DPP6: variants seen among roughly 807,000 people sequenced by gnomAD.
DPP6 encodes A-type potassium channel modulatory protein DPP6.
A neutral mutation model predicts 122.6 loss-of-function variants in DPP6; 69 were observed. The observed-to-expected ratio is 0.56, with a 90% CI of 0.46 to 0.69. The LOEUF is 0.69. Ranked by LOEUF, DPP6 falls within the 30% of genes least tolerant of loss-of-function variation. The pLI, the probability that DPP6 is intolerant of heterozygous loss-of-function variation, is 0.00. For missense variants in DPP6, 928 were observed against 1,116.9 expected, an observed-to-expected ratio of 0.83 and a Z score of 2.41; for synonymous variants, 418 against 433.1, an observed-to-expected ratio of 0.97 and a Z score of 0.43.
At chr7:154,734,754 A>G (rs1405539860) in intron 8 of DPP6, among the ~76,000 whole-genome samples, 1 of 152,230 alleles carries the variant, frequency 6.6e-6, no homozygotes. Context: ...GTGTTTAAAC[A>G]AAAGCTTCAC....
chr7:154,023,355 C>CACACAT (rs1798807614), intron 1 of DPP6, among the ~76,000 whole-genome samples: 1 of 151,728 alleles, frequency 6.6e-6, no homozygotes, highest in Admixed American at 6.6e-5. Context: ...CACACACACA[C>CACACAT]ACACACTTCT....
intron 5 of DPP6, among the ~76,000 whole-genome samples, chr7:154,628,381 C>T (rs145533892): frequency 2.6e-5 from 4 of 152,290 alleles, no homozygotes; most frequent in Admixed American, 6.5e-5. Context: ...TCCCCCGGGT[C>T]GTCTCTTGTC....
intron 1 of DPP6, among the ~76,000 whole-genome samples, chr7:154,081,086 A>G (rs578251326): frequency 6.6e-6 from 1 of 152,180 alleles, no homozygotes; most frequent in East Asian, 1.9e-4. Context: ...TAAAAAATAG[A>G]AAGACAAGGG....
intron 18 of DPP6, among the ~76,000 whole-genome samples, chr7:154,872,310 T>C (rs996402248): frequency 2.0e-5 from 3 of 152,272 alleles, no homozygotes; most frequent in African/African-American, 7.2e-5. Flanking sequence ...CAGGGCACCA[T>C]ATTTCCCTGC....
At chr7:154,647,918 T>C (rs938089350) in intron 6 of DPP6, among the ~76,000 whole-genome samples, 3 of 151,802 alleles carry the variant, frequency 2.0e-5, no homozygotes, top group Non-Finnish European at 4.4e-5. Context: ...CAAGCCTGGT[T>C]CATGTGTGTG....
At chr7:153,835,896 A>T in the DPP6 span, among the ~76,000 whole-genome samples, 3 of 152,156 alleles carry the variant, frequency 2.0e-5, no homozygotes, top group Non-Finnish European at 4.4e-5. Context: ...GGGTGGAATT[A>T]TTACGGCAGC....
At chr7:154,746,631 G>A (rs534466253) in intron 8 of DPP6, among the ~76,000 whole-genome samples, 48 of 152,202 alleles carry the variant, frequency 3.2e-4, no homozygotes, top group Non-Finnish European at 5.9e-4. Flanking sequence ...CACCCAAAAA[G>A]CATTAGGAGA....
At chr7:153,899,366 T>C (rs1485135633) in intron 1 of DPP6, among the ~76,000 whole-genome samples, 7 of 152,114 alleles carry the variant, frequency 4.6e-5, no homozygotes, top group Admixed American at 1.3e-4. Flanking sequence ...CATCCAGCCA[T>C]AATCTCAGGC....
chr7:153,813,183 C>G, the DPP6 span, among the ~76,000 whole-genome samples: 3 of 150,536 alleles, frequency 2.0e-5, no homozygotes, highest in Non-Finnish European at 4.4e-5. Flanking sequence ...CCCATCCCCC[C>G]ACCCTGCAAC....
At chr7:154,697,181 T>C (rs148629751) in intron 7 of DPP6, among the ~76,000 whole-genome samples, 1 of 152,338 alleles carries the variant, frequency 6.6e-6, no homozygotes, top group African/African-American at 2.4e-5. Context: ...TCAGGCATCA[T>C]GTGCATCATT....
intron 1 of DPP6, among the ~76,000 whole-genome samples, chr7:154,301,083 T>A (rs1473201424): frequency 6.6e-6 from 1 of 152,144 alleles, no homozygotes; most frequent in Non-Finnish European, 1.5e-5. Flanking sequence ...TGACCTTGGG[T>A]TTCATATTAA....
intron 5 of DPP6, among the ~76,000 whole-genome samples, chr7:154,594,209 T>A (rs1051228780): frequency 5.3e-5 from 8 of 152,196 alleles, no homozygotes; most frequent in African/African-American, 1.9e-4. Context: ...AAGTGGATTA[T>A]GGATGGAAAC....
At chr7:153,943,779 CT>C (rs1801808490) in intron 1 of DPP6, among the ~76,000 whole-genome samples, 1 of 152,178 alleles carries the variant, frequency 6.6e-6, no homozygotes, top group South Asian at 2.1e-4. Context: ...TTGCCTCCCC[CT>C]AAGCTAGCAG....
chr7:154,794,395 C>T (rs886943073), intron 11 of DPP6, among the ~76,000 whole-genome samples, 193 bp downstream of exon 11: 3 of 152,244 alleles, frequency 2.0e-5, no homozygotes, highest in Non-Finnish European at 4.4e-5. Flanking sequence ...GCAGGCGCTG[C>T]CGCAGACCCG....
chr7:153,809,941 C>G, the DPP6 span, among the ~76,000 whole-genome samples: 1 of 151,962 alleles, frequency 6.6e-6, no homozygotes, highest in South Asian at 2.1e-4. Context: ...TATTCTCTCC[C>G]AAGGAGTATC....
intron 16 of DPP6, among the ~76,000 whole-genome samples, chr7:154,845,011 C>G (rs982910988): frequency 4.6e-5 from 7 of 152,156 alleles, no homozygotes; most frequent in Admixed American, 4.6e-4. Flanking sequence ...AACAGAGAGA[C>G]CACAGCCTGA....
At chr7:153,878,413 A>G in the DPP6 span, among the ~76,000 whole-genome samples, 4 of 152,100 alleles carry the variant, frequency 2.6e-5, no homozygotes, top group African/African-American at 4.8e-5. Flanking sequence ...CAACAATAGC[A>G]TGGATTGATT....
intron 8 of DPP6, among the ~76,000 whole-genome samples, chr7:154,744,292 G>A (rs186407724): frequency 2.4e-4 from 36 of 152,310 alleles, no homozygotes; most frequent in African/African-American, 7.5e-4. Context: ...ACTTGGAGAA[G>A]CCACACGTCA....
intron 1 of DPP6, chr7:154,092,542 A>G (rs1337268280): frequency 6.7e-6 from 1 of 150,000 alleles, no homozygotes; most frequent in African/African-American, 2.4e-5. Flanking sequence ...GCCCATCACT[A>G]TGATTTGTTT....
Sources: allele counts gnomAD v4.1 joint callset (sites outside exome capture counted in the v4.1 genomes callset), GRCh38; gene constraint gnomAD v4.1.1; transcripts MANE v1.5; gene names NCBI Gene and HGNC (gene_info 2026-07-23, HGNC 2026-07-21).